Variants in PLA2G2A observed in about 807,000 individuals in gnomAD.
PLA2G2A encodes phospholipase A2, membrane associated.
In PLA2G2A, 6 loss-of-function variants were observed where a neutral mutation model predicts 11.2. The ratio of observed to expected loss-of-function variants is 0.54; its 90% confidence interval spans 0.29 to 1.06. The LOEUF (loss-of-function observed/expected upper bound fraction) is 1.06. PLA2G2A is among the 50% of genes least tolerant of loss of function. PLA2G2A has a pLI of 0.08. For synonymous variants in PLA2G2A, 69 were observed against 65.8 expected, an observed-to-expected ratio of 1.05 and a Z score of -0.23; for missense variants, 133 against 177.1, an observed-to-expected ratio of 0.75 and a Z score of 1.41.
rs562663581 is a variant in PLA2G2A, at chr1:19,978,973, G to GCACGCA, written c.-106-95_-106-94insTGCGTG. 1.1e-4 allele frequency: 64 copies of GCACGCA among 573,134 alleles called. 2 individuals carry two copies. The highest frequency in any genetic ancestry group is 5.5e-4 in the Admixed American group (21 of 37,942). 35.5% of individuals were successfully genotyped at this position (573,134 alleles called of 1,614,324 possible). A position where few individuals can be genotyped will look rare whatever the true frequency, so the allele number is the denominator to read the frequency against. On this transcript the variant is annotated intron_variant, in intron 1 of 4. Transcript: ENST00000482011. The stretch of plus-strand genomic sequence containing the variant: ...CACACAAGGAGTGCCCTCCAGCAAT[G>GCACGCA]CACACACACACACACACACACACAC...
At chr1:19,978,385 C>G (rs548745305) in exon 3 of PLA2G2A, 26 of 1,612,310 alleles carry the variant, frequency 1.6e-5, no homozygotes, top group Non-Finnish European at 2.2e-5. Flanking sequence ...CTCACCGATC[C>G]GTTGCATCCT....
exon 5 of PLA2G2A, chr1:19,975,716 G>T: frequency 6.2e-7 from 1 of 1,613,596 alleles, no homozygotes; most frequent in East Asian, 2.2e-5. Flanking sequence ...AACGAGGGGT[G>T]CTCCCTCTGC....
At chr1:19,978,789 G>C (rs376836033) in exon 2 of PLA2G2A, 2 of 1,613,902 alleles carry the variant, frequency 1.2e-6, no homozygotes, top group African/African-American at 1.3e-5. Context: ...GAGTTCTTGG[G>C]TGACAAATGC....
intron 4 of PLA2G2A, among the ~76,000 whole-genome samples, chr1:19,977,678 T>A (rs2046239204): frequency 6.6e-6 from 1 of 152,208 alleles, no homozygotes; most frequent in South Asian, 2.1e-4. Flanking sequence ...CAGAATGGCT[T>A]ACAGTGCCCT....
At chr1:19,977,449 G>GC (rs1250089208) in intron 4 of PLA2G2A, among the ~76,000 whole-genome samples, 1 of 152,048 alleles carries the variant, frequency 6.6e-6, no homozygotes, top group Non-Finnish European at 1.5e-5. Flanking sequence ...AGCTTTCTCT[G>GC]CCCCCCTTCC....
chr1:19,978,613 C>T, intron 2 of PLA2G2A, 89 bp from the exon 3 acceptor site: 1 of 1,600,362 alleles, frequency 6.2e-7, no homozygotes, highest in Non-Finnish European at 8.6e-7. Flanking sequence ...TCCTTCCTCC[C>T]AAATGGCTTC....
exon 5 of PLA2G2A, chr1:19,975,709 G>A (rs1047441725): frequency 6.8e-6 from 11 of 1,613,630 alleles, no homozygotes; most frequent in African/African-American, 1.3e-5. Context: ...ACTCAGCAAC[G>A]AGGGGTGCTC....
chr1:19,980,306 G>A (rs571509235), upstream of PLA2G2A: 8 of 152,350 alleles, frequency 5.3e-5, no homozygotes, highest in African/African-American at 1.7e-4. Context: ...AAAAGCCAGA[G>A]GCTATCCTTG....
In PLA2G2A at chr1:19,978,679, G is replaced by C. The variant is rs11573160; in HGVS notation, c.40+55C>G. The C allele has an allele frequency of 1.6e-4, 258 of 1,602,110 alleles. No homozygotes were observed. In the African/African-American group the frequency reaches 3.1e-3, roughly 19 times the overall value. ...TGGGAGAGAAAACTAAGGGACAAGA[G>C]TGCTTCCCTTCTGGGGCTGTCCCCC... is the stretch of plus-strand genomic sequence containing the variant. On this transcript the variant is annotated intron_variant, in intron 2 of 4. Coordinates refer to ENST00000482011, the Ensembl canonical transcript of PLA2G2A.
At chr1:19,976,649 G>A (rs1184878672) in intron 4 of PLA2G2A, among the ~76,000 whole-genome samples, 1 of 152,198 alleles carries the variant, frequency 6.6e-6, no homozygotes, top group East Asian at 1.9e-4. Flanking sequence ...CAGGCCATGG[G>A]CAGGAGTCCA....
At chr1:19,978,744 G>A in exon 2 of PLA2G2A, 1 of 1,614,132 alleles carries the variant, frequency 6.2e-7, no homozygotes, top group East Asian at 2.2e-5. Flanking sequence ...CAAAGATCAT[G>A]ATCACTGCCA....
At chr1:19,978,210 G>A in intron 3 of PLA2G2A, 89 bp from the exon 4 acceptor site, 1 of 1,336,384 alleles carries the variant, frequency 7.5e-7, no homozygotes, top group Non-Finnish European at 1.1e-6. Flanking sequence ...CCTGGGCAGA[G>A]ACCCAGTGAC....
intron 1 of PLA2G2A, 195 bp from the exon 2 acceptor site, chr1:19,979,074 C>A (rs567561280): frequency 2.0e-6 from 1 of 494,066 alleles, no homozygotes; most frequent in East Asian, 4.0e-5. Flanking sequence ...TGTGGAGAAC[C>A]CCATGATACA....
rs1557702929 is a variant in PLA2G2A at position 19,978,126 on chromosome 1, G to C, written c.186-5C>G. The C allele has an allele frequency of 6.2e-7, 1 of 1,600,918 alleles. No homozygotes were observed. Among genetic ancestry groups the C allele is most frequent in the East Asian group, 2.2e-5 (1 of 44,800 alleles). On this transcript the variant is annotated splice_polypyrimidine_tract_variant and splice_region_variant and intron_variant, in intron 3 of 4. Transcript: ENST00000482011. The stretch of plus-strand genomic sequence containing the variant: ...CAGTCATGAGTGACACAGCAGCTGT[G>C]AGGAGACACCCTGTTGGGGCTCTTG...
At chr1:19,977,428 A>G (rs1341633504) in intron 4 of PLA2G2A, among the ~76,000 whole-genome samples, 2 of 152,200 alleles carry the variant, frequency 1.3e-5, no homozygotes, top group Non-Finnish European at 2.9e-5. Context: ...TCTTGCCTGC[A>G]TGATGGCAAT....
Position 19,978,289 on chromosome 1 carries a change from C to G in PLA2G2A, c.185+91G>C, listed in dbSNP as rs2046250600. 1.3e-5 allele frequency: 19 copies of G among 1,502,390 alleles called. No individual in the cohort carries two copies. In the South Asian group the frequency reaches 1.9e-4, roughly 15 times the overall value. The allele number at this position is 1,502,390 out of a possible 1,614,324, so 93.1% of individuals were successfully genotyped here. ...TTCCAGCCAGGCCATCCTGAGACCT[C>G]TGCGCCCATCAGGAACCGGCACTGT... is the stretch of plus-strand genomic sequence containing the variant. On this transcript the variant is annotated intron_variant, in intron 3 of 4. Transcript: ENST00000482011.
At chr1:19,978,734 C>T (rs774586632) in exon 2 of PLA2G2A, 29 of 1,614,094 alleles carry the variant, frequency 1.8e-5, no homozygotes, top group Non-Finnish European at 2.4e-5. Flanking sequence ...CAGCTCTTAC[C>T]AAAGATCATG....
intron 1 of PLA2G2A, 122 bp from the exon 2 acceptor site, chr1:19,979,001 A>ACACACACACACAC: frequency 1.9e-6 from 1 of 525,370 alleles, no homozygotes; most frequent in African/African-American, 2.1e-5. Context: ...ACACACACAC[A>ACACACACACACAC]ACCACCTCCT....
intron 1 of PLA2G2A, 117 bp from the exon 2 acceptor site, chr1:19,978,996 C>G (rs1242616019): frequency 2.7e-5 from 16 of 592,306 alleles, no homozygotes; most frequent in Non-Finnish European, 4.3e-5. Context: ...CACACACACA[C>G]ACACAACCAC....
Sources: gnomAD v4.1 joint callset for allele counts (sites outside exome capture counted in the v4.1 genomes callset) on GRCh38, gnomAD v4.1.1 for gene constraint, MANE v1.5 for transcripts, NCBI Gene and HGNC (gene_info 2026-07-23, HGNC 2026-07-21) for gene names.